The following ZMYM2 variants were observed in gnomAD, a reference collection of about 807,000 sequenced individuals.
ZMYM2 encodes the protein zinc finger MYM-type containing 2.
ZMYM2 carries 56 observed loss-of-function variants against 162.8 expected under a neutral mutation model. That is an observed-to-expected ratio of 0.34 (90% confidence interval 0.28 to 0.43). The LOEUF is 0.43. Ranked by LOEUF, ZMYM2 falls within the 20% of genes least tolerant of loss-of-function variation. The pLI is 1.00. For missense variants in ZMYM2, 1,275 were observed against 1,621.8 expected (o/e 0.79, Z 3.67); for synonymous variants, 510 against 541.6 (o/e 0.94, Z 0.81).
chr13:19,965,230 G>A (rs1429366961), intron 2 of ZMYM2: 9 of 1,296,988 alleles, frequency 6.9e-6, no homozygotes, highest in Middle Eastern at 2.1e-4. Context: ...CCATACATGT[G>A]TATATTACTC....
At chr13:19,971,262 A>ATATATTT (rs1329532735) in intron 2 of ZMYM2, among the ~76,000 whole-genome samples, 2 of 78,330 alleles carry the variant, frequency 2.6e-5, no homozygotes, top group African/African-American at 4.6e-5. Context: ...ATATATATAT[A>ATATATTT]TTTTTTTTTT....
intron 2 of ZMYM2, among the ~76,000 whole-genome samples, chr13:19,987,356 T>G (rs1320234008): frequency 1.3e-5 from 2 of 151,846 alleles, no homozygotes; most frequent in Admixed American, 6.6e-5. Context: ...ATCCACCTCC[T>G]TGGTTCAAGC....
the ZMYM2 span, among the ~76,000 whole-genome samples, chr13:19,891,210 G>C: frequency 0.92 from 139,113 of 151,762 alleles, 65,120 homozygotes; most frequent in Non-Finnish European, 1. Context: ...CTACTAAGAA[G>C]AGGAAGAGAT....
chr13:19,886,138 C>G, the ZMYM2 span, among the ~76,000 whole-genome samples: 18 of 144,974 alleles, frequency 1.2e-4, no homozygotes, highest in Non-Finnish European at 2.4e-4. Flanking sequence ...ACTGCTAATA[C>G]CTTCTTTTTT....
At chr13:20,053,824 C>G (rs928987190) in intron 14 of ZMYM2, among the ~76,000 whole-genome samples, 4 of 152,098 alleles carry the variant, frequency 2.6e-5, no homozygotes, top group African/African-American at 9.7e-5. Flanking sequence ...TCCATACCCC[C>G]CCTTATGGAA....
chr13:19,919,517 T>C, the ZMYM2 span, among the ~76,000 whole-genome samples: 1 of 151,724 alleles, frequency 6.6e-6, no homozygotes, highest in South Asian at 2.1e-4. Flanking sequence ...AGGGTATTTT[T>C]ACCATTTTTT....
chr13:19,952,144 A>G, the ZMYM2 span, among the ~76,000 whole-genome samples: 1 of 152,186 alleles, frequency 6.6e-6, no homozygotes, highest in Non-Finnish European at 1.5e-5. Context: ...ACAGAAAGAC[A>G]AATACCACAT....
the ZMYM2 span, among the ~76,000 whole-genome samples, chr13:19,933,305 G>A: frequency 6.6e-6 from 1 of 152,032 alleles, no homozygotes; most frequent in African/African-American, 2.4e-5. Context: ...TTTTAAATAT[G>A]ATTTTTTGGT....
chr13:20,079,373 T>C (rs1414896227), intron 21 of ZMYM2, among the ~76,000 whole-genome samples: 1 of 111,780 alleles, frequency 8.9e-6, no homozygotes, highest in Non-Finnish European at 1.9e-5. Context: ...ATCCCATAAT[T>C]GAAGACTTTC....
Position 20,082,688 on chromosome 13 carries a change from A to C in ZMYM2, c.3569-93A>C, listed in dbSNP as rs954034208. The C allele has an allele frequency of 4.9e-5, 54 of 1,110,798 alleles. 1 individual carries two copies. The highest frequency in any genetic ancestry group is 6.5e-5 in the Non-Finnish European group (52 of 802,126). The allele number at this position is 1,110,798 out of a possible 1,614,324, so 68.8% of individuals were successfully genotyped here. On this transcript the variant is annotated intron_variant, in intron 22 of 24. Transcript: ENST00000610343. ...TAATATGAAAGGAGAATTGGTATAG[A>C]TTTGTCCTTAAATTAACTGTGTCTG...
intron 11 of ZMYM2, among the ~76,000 whole-genome samples, chr13:20,035,771 C>G (rs747369320): frequency 5.3e-5 from 8 of 152,098 alleles, no homozygotes; most frequent in Non-Finnish European, 1.0e-4. Flanking sequence ...CTTTCTCTTA[C>G]TGCACCTAGT....
the ZMYM2 span, among the ~76,000 whole-genome samples, chr13:19,907,324 T>C: frequency 1.3e-5 from 2 of 152,158 alleles, no homozygotes; most frequent in East Asian, 1.9e-4. Context: ...AATGTTTGTA[T>C]GAGATGATAT....
At chr13:20,049,410 C>T (rs1285892818) in intron 12 of ZMYM2, among the ~76,000 whole-genome samples, 2 of 151,854 alleles carry the variant, frequency 1.3e-5, no homozygotes, top group Non-Finnish European at 2.9e-5. Flanking sequence ...TAATTTTATG[C>T]CCTTGATCTT....
chr13:19,927,516 T>C, the ZMYM2 span, among the ~76,000 whole-genome samples: 1 of 152,236 alleles, frequency 6.6e-6, no homozygotes, highest in Non-Finnish European at 1.5e-5. Context: ...GTCTGTTGTG[T>C]GAATATACCA....
the ZMYM2 span, among the ~76,000 whole-genome samples, chr13:19,915,391 G>T: frequency 4.0e-5 from 6 of 150,850 alleles, no homozygotes; most frequent in Admixed American, 6.6e-5. Context: ...CACCATGCCT[G>T]CATGCTTGGC....
chr13:19,983,875 G>T (rs982798529), intron 2 of ZMYM2, among the ~76,000 whole-genome samples: 6 of 151,740 alleles, frequency 4.0e-5, no homozygotes, highest in African/African-American at 1.5e-4. Flanking sequence ...AGATCTGCCC[G>T]CCATGGCCTC....
intron 5 of ZMYM2, among the ~76,000 whole-genome samples, chr13:20,006,098 T>C (rs1286718645): frequency 6.6e-6 from 1 of 151,908 alleles, no homozygotes; most frequent in Non-Finnish European, 1.5e-5. Context: ...TTAGGCGTGG[T>C]TGTGTGTGTC....
At chr13:20,002,230 T>G (rs932543589) in intron 3 of ZMYM2, among the ~76,000 whole-genome samples, 3 of 152,246 alleles carry the variant, frequency 2.0e-5, no homozygotes, top group Non-Finnish European at 4.4e-5. Flanking sequence ...TTATTATTAT[T>G]TAATGTTGAT....
At chr13:20,047,319 C>G (rs1954918512) in intron 12 of ZMYM2, among the ~76,000 whole-genome samples, 1 of 152,180 alleles carries the variant, frequency 6.6e-6, no homozygotes, top group Non-Finnish European at 1.5e-5. Context: ...ATGGTATCAT[C>G]TTGAAAATGT....
Sources: gnomAD v4.1 joint callset for allele counts (sites outside exome capture counted in the v4.1 genomes callset) on GRCh38, gnomAD v4.1.1 for gene constraint, MANE v1.5 for transcripts, NCBI Gene and HGNC (gene_info 2026-07-23, HGNC 2026-07-21) for gene names.